The following ASIC2 variants were observed in gnomAD, a reference collection of about 807,000 sequenced individuals.
ASIC2 encodes the protein acid-sensing ion channel 2.
Under a neutral mutation model 57.3 loss-of-function variants are expected in ASIC2, and 25 were observed. That is an observed-to-expected ratio of 0.44 (90% CI 0.32 to 0.61). The LOEUF is 0.61. Among genes scored for constraint, ASIC2 ranks in the 20% least tolerant of loss-of-function variants. The probability of loss-of-function intolerance (pLI) is 0.06; values close to 1 mark genes in which losing one functional copy is unlikely to be tolerated. For missense variants in ASIC2, 641 were observed against 738.1 expected, an observed-to-expected ratio of 0.87 and a Z score of 1.52; for synonymous variants, 319 against 307.5, an observed-to-expected ratio of 1.04 and a Z score of -0.39.
intron 1 of ASIC2, among the ~76,000 whole-genome samples, chr17:33,714,698 A>C (rs958685726): frequency 6.6e-6 from 1 of 151,922 alleles, no homozygotes; most frequent in Non-Finnish European, 1.5e-5. Flanking sequence ...AACAAGGAGG[A>C]TTTCGACTTT....
At chr17:33,869,822 T>G (rs1438571237) in intron 1 of ASIC2, among the ~76,000 whole-genome samples, 1 of 152,238 alleles carries the variant, frequency 6.6e-6, no homozygotes, top group East Asian at 1.9e-4. Context: ...ATTGTGATAA[T>G]AGTTGCACAA....
intron 1 of ASIC2, among the ~76,000 whole-genome samples, chr17:34,016,138 C>T (rs1567788987): frequency 6.6e-6 from 1 of 152,086 alleles, no homozygotes; most frequent in Non-Finnish European, 1.5e-5. Flanking sequence ...AATGCAACTG[C>T]CCATGGCCAG....
At chr17:33,257,553 G>T (rs1909125040) in intron 1 of ASIC2, among the ~76,000 whole-genome samples, 1 of 152,182 alleles carries the variant, frequency 6.6e-6, no homozygotes, top group South Asian at 2.1e-4. Context: ...AGCCCAGAGT[G>T]GCAAACTCCC....
At chr17:33,499,546 G>A (rs1331134420) in intron 1 of ASIC2, among the ~76,000 whole-genome samples, 1 of 152,208 alleles carries the variant, frequency 6.6e-6, no homozygotes, top group African/African-American at 2.4e-5. Flanking sequence ...CCCTCTGAAG[G>A]AACTGCCAAC....
intron 1 of ASIC2, among the ~76,000 whole-genome samples, chr17:34,073,681 T>C (rs953896944): frequency 4.6e-5 from 7 of 152,244 alleles, no homozygotes; most frequent in African/African-American, 1.7e-4. Flanking sequence ...GATTTTGACT[T>C]ACCTACTTTA....
intron 4 of ASIC2, among the ~76,000 whole-genome samples, chr17:33,026,993 T>C (rs527268170): frequency 9.1e-4 from 139 of 152,320 alleles, no homozygotes; most frequent in African/African-American, 3.2e-3. Context: ...TTTATTATTA[T>C]GTTACAGTTT....
chr17:34,088,069 T>C (rs1197326154), intron 1 of ASIC2, among the ~76,000 whole-genome samples: 1 of 152,274 alleles, frequency 6.6e-6, no homozygotes, highest in Non-Finnish European at 1.5e-5. Flanking sequence ...CCAGCTTTGT[T>C]CCATTGCTGG....
In ASIC2 at chr17:33,579,672, G is replaced by C. The variant is rs568335448; in HGVS notation, c.556-467605C>G. Among the ~76,000 whole-genome samples, 3 of 152,188 alleles carry C rather than the reference G, an allele frequency of 2.0e-5. No homozygotes were observed. In the East Asian group the frequency reaches 5.8e-4, roughly 29 times the overall value. The stretch of plus-strand genomic sequence containing the variant: ...CTTCTGGTGGGCTCCTGGTCTGGCA[G>C]ACTTCTAGAGTGAAGCTACAGACCT... On this transcript the variant is annotated intron_variant, in intron 1 of 9. Coordinates refer to the ASIC2 transcript ENST00000359872.
chr17:33,117,493 T>C (rs1291137098), intron 1 of ASIC2, among the ~76,000 whole-genome samples: 1 of 152,146 alleles, frequency 6.6e-6, no homozygotes, highest in Non-Finnish European at 1.5e-5. Flanking sequence ...TTCTTGATTA[T>C]TGTCCCAACC....
chr17:34,135,745 G>A (rs977959243), intron 1 of ASIC2, among the ~76,000 whole-genome samples: 9 of 151,988 alleles, frequency 5.9e-5, no homozygotes, highest in African/African-American at 1.9e-4. Flanking sequence ...TGATTAAAAG[G>A]TGAAATATCC....
At chr17:33,127,631 A>G (rs1316386462) in intron 1 of ASIC2, among the ~76,000 whole-genome samples, 2 of 152,138 alleles carry the variant, frequency 1.3e-5, no homozygotes, top group African/African-American at 4.8e-5. Flanking sequence ...GTGGCTTTCT[A>G]CAGGTTTAAG....
intron 1 of ASIC2, among the ~76,000 whole-genome samples, chr17:33,959,643 A>T (rs1223910353): frequency 6.6e-6 from 1 of 152,190 alleles, no homozygotes; most frequent in Non-Finnish European, 1.5e-5. Flanking sequence ...GCATGGGAGA[A>T]AGATAAAGGC....
intron 3 of ASIC2, among the ~76,000 whole-genome samples, chr17:33,079,385 G>A (rs889005626): frequency 6.6e-6 from 1 of 152,126 alleles, no homozygotes; most frequent in African/African-American, 2.4e-5. Flanking sequence ...GCTGGCAGAG[G>A]GAGAAAGGAG....
chr17:33,383,646 C>G (rs900440473), intron 1 of ASIC2, among the ~76,000 whole-genome samples: 4 of 152,224 alleles, frequency 2.6e-5, no homozygotes, highest in Non-Finnish European at 5.9e-5. Context: ...GGTTAGCCCC[C>G]ACCAGGGCCC....
At chr17:34,038,304 A>G in intron 1 of ASIC2, 11 of 1,610,332 alleles carry the variant, frequency 6.8e-6, no homozygotes, top group Non-Finnish European at 9.3e-6. Flanking sequence ...CCCTCACAGT[A>G]TTCTAATACT....
At chr17:33,097,007 C>T (rs990882453) in intron 2 of ASIC2, among the ~76,000 whole-genome samples, 2 of 152,202 alleles carry the variant, frequency 1.3e-5, no homozygotes, top group African/African-American at 4.8e-5. Context: ...ATTTTACAGA[C>T]AGGGAAACAG....
chr17:33,652,799 C>G (rs1261600400), intron 1 of ASIC2, among the ~76,000 whole-genome samples: 1 of 152,216 alleles, frequency 6.6e-6, no homozygotes, highest in Non-Finnish European at 1.5e-5. Flanking sequence ...GCATGTGTGC[C>G]TCTGTTTCAC....
intron 1 of ASIC2, among the ~76,000 whole-genome samples, chr17:33,476,747 C>T (rs933562415): frequency 2.6e-5 from 4 of 151,986 alleles, no homozygotes; most frequent in Admixed American, 2.6e-4. Context: ...AAAGAGTAGG[C>T]TCTGGCAGAC....
chr17:34,140,154 C>T (rs935932600), intron 1 of ASIC2, among the ~76,000 whole-genome samples: 6 of 152,016 alleles, frequency 3.9e-5, no homozygotes, highest in African/African-American at 1.4e-4. Context: ...GGCACCAGAG[C>T]GAAGGAGAAG....
Sources: allele counts gnomAD v4.1 joint callset (sites outside exome capture counted in the v4.1 genomes callset), GRCh38; gene constraint gnomAD v4.1.1; transcripts MANE v1.5; gene names NCBI Gene and HGNC (gene_info 2026-07-23, HGNC 2026-07-21).